FCN1: variants seen among roughly 807,000 people sequenced by gnomAD.
The protein encoded by FCN1 is ficolin 1.
Under a neutral mutation model 35.6 loss-of-function variants are expected in FCN1, and 42 were observed. That is an observed-to-expected ratio of 1.18 (90% CI 0.92 to 1.53). The LOEUF (loss-of-function observed/expected upper bound fraction) is 1.53, where lower values mean the gene tolerates loss of function less well. Ranked by LOEUF, FCN1 falls within the 40% of genes most tolerant of loss-of-function variation. The pLI is 0.00. For synonymous variants in FCN1, 179 were observed against 169.8 expected (o/e 1.05, Z -0.42); for missense variants, 439 against 428.4 (o/e 1.02, Z -0.22).
At chr9:134,912,684 T>G in intron 6 of FCN1, 69 bp from the exon 7 acceptor site, 1 of 1,602,068 alleles carries the variant, frequency 6.2e-7, no homozygotes, top group South Asian at 1.1e-5. Context: ...GGACCCGCCC[T>G]CCAGAGGAGC....
In FCN1 at chr9:134,913,020, C is replaced by G. The variant is rs1831044051; in HGVS notation, c.464G>C (p.Trp155Ser). 6.2e-7 allele frequency: 1 copy of G among 1,610,950 alleles called. No homozygotes were observed. The highest frequency in any genetic ancestry group is 1.3e-5 in the African/African-American group (1 of 74,894). The change falls in exon 6 of 9, where the codon TGG (tryptophan) becomes TCG (serine). Residue 155 changes from tryptophan to serine, a missense_variant. Coordinates refer to ENST00000371806, the MANE Select transcript of FCN1 (RefSeq NM_002003.5). ...TCTGCCCAGCCCCACACTCACGGTC[C>G]AGCCCCCTCCGTCCGTGTCCATGTC... is the stretch of plus-strand genomic sequence containing the variant. ...LCDMDTDGGG[W>S]TVFQRRMDGS... is the part of the protein sequence containing the mutation.
chr9:134,913,158 C>T lies in FCN1; in HGVS notation c.341-15G>A, dbSNP rs372394897. The T allele has an allele frequency of 2.2e-5, 36 of 1,613,242 alleles. No homozygotes were observed. The Middle Eastern group carries it at 4.9e-4, about 22-fold the overall frequency. ...GTTGCGTGGGCCTGGGAAGGGAACCCGGGGAATGGCTGCAGGACGGGGGCC... is the reference window on the plus strand; with the variant it reads ...GTTGCGTGGGCCTGGGAAGGGAACCTGGGGAATGGCTGCAGGACGGGGGCC... On this transcript the variant is annotated splice_polypyrimidine_tract_variant and intron_variant, in intron 5 of 8. Transcript: ENST00000371806.
Position 134,905,825 on chromosome 9 carries a change from TTCC to T in FCN1, c.*3970_*3972del, listed in dbSNP as rs200327827. The T allele has an allele frequency of 5.0e-4, 18 of 35,764 alleles. 1 individual carries two copies. Among genetic ancestry groups the T allele is most frequent in the African/African-American group, 2.2e-3 (8 of 3,718 alleles). 2.2% of individuals were successfully genotyped at this position (35,764 alleles called of 1,614,324 possible). ...CTTCTTCTTCCTCTTCTTCTTCTTC[TTCC>T]TCTTCCTCTTCCTCTTCCTCTTCCT... On this transcript the variant is annotated 3_prime_UTR_variant, in exon 9 of 9. Transcript: ENST00000371806.
In FCN1 at chr9:134,909,936, G is replaced by C; in HGVS notation, c.843C>G (p.Ala281=). 6.2e-7 allele frequency: 1 copy of C among 1,614,068 alleles called. No individual in the cohort carries two copies. Among genetic ancestry groups the C allele is most frequent in the Non-Finnish European group, 8.5e-7 (1 of 1,180,012 alleles). The change falls in exon 9 of 9, where the codon GCC becomes GCG. Residue 281 remains alanine, a synonymous_variant. Transcript: ENST00000371806. ...AEKFQGAWWY[A]DCHASNLNGL... ...CATTGAGGTTTGAAGCATGACAGTC[G>C]GCGTACCACCAGGCTCCTTGGAACT...
In FCN1 at chr9:134,905,212, G is replaced by A. The variant is rs1398350959; in HGVS notation, c.*4586C>T. On this transcript the variant is annotated 3_prime_UTR_variant, in exon 9 of 9. Coordinates refer to ENST00000371806, the MANE Select transcript of FCN1 (RefSeq NM_002003.5). Reference sequence around the variant, plus strand: ...TAATAAAAATATTCAACAAAGACGAGAGAAGATGAGGAAGGAGAGGAAAAG... The same window carrying A: ...TAATAAAAATATTCAACAAAGACGAAAGAAGATGAGGAAGGAGAGGAAAAG... 6.6e-6 allele frequency among the ~76,000 whole-genome samples: 1 copy of A among 152,198 alleles called. No homozygotes were observed. The highest frequency in any genetic ancestry group is 1.5e-5 in the Non-Finnish European group (1 of 68,032).
chr9:134,914,356 A>T (rs1831064645), intron 4 of FCN1, 29 bp downstream of exon 4: 1 of 1,610,196 alleles, frequency 6.2e-7, no homozygotes. Flanking sequence ...GCCTGCAGAG[A>T]CAACTGCCTG....
Position 134,904,306 on chromosome 9 carries a change from T to C in FCN1, c.*5492A>G, listed in dbSNP as rs1830916053. Among the ~76,000 whole-genome samples the C allele has an allele frequency of 6.6e-6, 1 of 152,240 alleles. No homozygotes were observed. Among genetic ancestry groups the C allele is most frequent in the African/African-American group, 2.4e-5 (1 of 41,464 alleles). On this transcript the variant is annotated 3_prime_UTR_variant, in exon 9 of 9. Transcript: ENST00000371806. ...AGGAGCAACAAGACTTTCAGCTAGC[T>C]TTTCAGCTGAAATAACTGAATCTGA... is the stretch of plus-strand genomic sequence containing the variant.
chr9:134,914,526 T>C (rs1289632833), intron 3 of FCN1, 106 bp from the exon 4 acceptor site: 1 of 1,203,546 alleles, frequency 8.3e-7, no homozygotes, highest in Admixed American at 1.8e-5. Context: ...TCCCCAGCCC[T>C]GCAGGCTCAC....
Position 134,911,208 on chromosome 9 carries a change from A to G in FCN1, c.658T>C (p.Tyr220His). ...DFEGNHQFAK[Y>H]KSFKVADEAE... ...TCGTCAGCCACCTTGAATGATTTGTACTTAGCAAACTGGTGGTTGCCCTCA... is the reference window on the plus strand; with the variant it reads ...TCGTCAGCCACCTTGAATGATTTGTGCTTAGCAAACTGGTGGTTGCCCTCA... Residue 220 changes from tyrosine to histidine, a missense_variant, in exon 8 of 9, where the codon TAC (tyrosine) becomes CAC (histidine). Coordinates refer to ENST00000371806, the MANE Select transcript of FCN1 (RefSeq NM_002003.5). 6.2e-7 allele frequency: 1 copy of G among 1,614,044 alleles called. No homozygotes were observed. Among genetic ancestry groups the G allele is most frequent in the Non-Finnish European group, 8.5e-7 (1 of 1,179,936 alleles).
At position 134,910,051 on chromosome 9, in the gene FCN1, C is replaced by A; in HGVS notation, c.734-6G>T. ...GTGGCCCGTTAGAGAATTACCTGCTCACAGAAAATGTGGGGTTTGCAGATG... is the reference window on the plus strand; with the variant it reads ...GTGGCCCGTTAGAGAATTACCTGCTAACAGAAAATGTGGGGTTTGCAGATG... On this transcript the variant is annotated splice_polypyrimidine_tract_variant and splice_region_variant and intron_variant, in intron 8 of 8. Coordinates refer to ENST00000371806, the MANE Select transcript of FCN1 (RefSeq NM_002003.5). The A allele has an allele frequency of 6.2e-7, 1 of 1,613,568 alleles. No individual in the cohort carries two copies. Among genetic ancestry groups the A allele is most frequent in the South Asian group, 1.1e-5 (1 of 91,060 alleles).
chr9:134,914,525 C>CTAG lies in FCN1; in HGVS notation c.272-106_272-105insCTA, dbSNP rs1453853299. The CTAG allele has an allele frequency of 5.0e-6, 6 of 1,209,392 alleles. No homozygotes were observed. The East Asian group carries it at 1.4e-4, about 29-fold the overall frequency. 74.9% of individuals were successfully genotyped at this position (1,209,392 alleles called of 1,614,324 possible). ...GCCTGGACACTGCATCTCCCCAGCC[C>CTAG]TGCAGGCTCACTAAGGCATCACAAC... On this transcript the variant is annotated intron_variant, in intron 3 of 8. Transcript: ENST00000371806.
chr9:134,914,300 G>C, intron 4 of FCN1, 85 bp downstream of exon 4: 1 of 1,177,138 alleles, frequency 8.5e-7, no homozygotes, highest in Non-Finnish European at 1.3e-6. Context: ...GGACGTGGGC[G>C]GTGGGCAGGC....
intron 3 of FCN1, 130 bp from the exon 4 acceptor site, chr9:134,914,550 C>A: frequency 9.7e-7 from 1 of 1,029,024 alleles, no homozygotes; most frequent in Non-Finnish European, 1.5e-6. Context: ...GGCATCACAA[C>A]GCCCAGGTCT....
chr9:134,910,156 A>G (rs1040870343), intron 8 of FCN1, 111 bp from the exon 9 acceptor site: 2 of 1,037,342 alleles, frequency 1.9e-6, no homozygotes, highest in Non-Finnish European at 3.0e-6. Context: ...GCGACGCATG[A>G]GCCGAGCTAC....
At chr9:134,911,367 A>T in intron 7 of FCN1, 100 bp from the exon 8 acceptor site, 1 of 974,650 alleles carries the variant, frequency 1.0e-6, no homozygotes, top group East Asian at 2.5e-5. Context: ...TTTTTGAGAC[A>T]GAGTTCCGCT....
intron 7 of FCN1, among the ~76,000 whole-genome samples, chr9:134,911,901 C>T (rs188916239): frequency 1.2e-4 from 19 of 152,322 alleles, no homozygotes; most frequent in Admixed American, 2.0e-4. Context: ...CAGCAGTGGG[C>T]GAAGCTCTAA....
Position 134,917,905 on chromosome 9 carries a change from G to A in FCN1, c.-34C>T. 9 of 1,469,502 alleles carry A rather than the reference G, an allele frequency of 6.1e-6. No individual in the cohort carries two copies. The highest frequency in any genetic ancestry group is 8.6e-6 in the Non-Finnish European group (9 of 1,049,084). 91.0% of individuals were successfully genotyped at this position (1,469,502 alleles called of 1,614,324 possible). Reference sequence around the variant, plus strand: ...GCCTTTGACTCTGAAGAGTCCCCCAGCTCTAACAGGGCAGAGGAAACCAGC... The same window carrying A: ...GCCTTTGACTCTGAAGAGTCCCCCAACTCTAACAGGGCAGAGGAAACCAGC... On this transcript the variant is annotated 5_prime_UTR_variant, in exon 1 of 9. Transcript: ENST00000371806.
rs1441212336 is a variant in FCN1, at chr9:134,905,319, TC to T, written c.*4478del. ...CACGCCTACACTCCTACTTGAGAGG[TC>T]CCATGGCCAGGAAGAAGAGCACTGG... On this transcript the variant is annotated 3_prime_UTR_variant, in exon 9 of 9. Coordinates refer to ENST00000371806, the MANE Select transcript of FCN1 (RefSeq NM_002003.5). Among the ~76,000 whole-genome samples, 1 of 152,130 alleles carries T rather than the reference TC, an allele frequency of 6.6e-6. No individual in the cohort carries two copies. Among genetic ancestry groups the T allele is most frequent in the Non-Finnish European group, 1.5e-5 (1 of 68,014 alleles).
chr9:134,916,144 ATAGT>A (rs1273463358), intron 2 of FCN1, among the ~76,000 whole-genome samples, 200 bp downstream of exon 2: 3 of 152,338 alleles, frequency 2.0e-5, no homozygotes, highest in East Asian at 1.9e-4. Context: ...AGCTCATGAA[ATAGT>A]TAGGAAAGAC....
Sources: allele counts gnomAD v4.1 joint callset (sites outside exome capture counted in the v4.1 genomes callset), GRCh38; gene constraint gnomAD v4.1.1; transcripts MANE v1.5; gene names NCBI Gene and HGNC (gene_info 2026-07-23, HGNC 2026-07-21).